RASA3: variants seen among roughly 807,000 people sequenced by gnomAD.
RASA3 encodes RAS p21 protein activator 3, also known as ras GTPase-activating protein 3.
RASA3 carries 73 observed loss-of-function variants against 110.0 expected under a neutral mutation model. The ratio of observed to expected loss-of-function variants is 0.66; its 90% confidence interval spans 0.55 to 0.81. The LOEUF (loss-of-function observed/expected upper bound fraction) is 0.81, where lower values mean the gene tolerates loss of function less well. RASA3 is among the 30% of genes least tolerant of loss of function. The pLI, the probability that RASA3 is intolerant of heterozygous loss-of-function variation, is 0.00. For synonymous variants in RASA3, 500 were observed against 451.4 expected (o/e 1.11, Z -1.37); for missense variants, 976 against 1,113.2 (o/e 0.88, Z 1.75).
At chr13:114,087,271 G>A (rs1291150165) in intron 1 of RASA3, among the ~76,000 whole-genome samples, 4 of 150,640 alleles carry the variant, frequency 2.7e-5, no homozygotes, top group East Asian at 2.0e-4. Flanking sequence ...TCGTCCTCGC[G>A]GGGAAATCAC....
At chr13:114,010,316 C>G (rs1456237767) in intron 16 of RASA3, among the ~76,000 whole-genome samples, 1 of 152,070 alleles carries the variant, frequency 6.6e-6, no homozygotes, top group African/African-American at 2.4e-5. Context: ...CAGCCCAGCC[C>G]TCTCCAGACG....
chr13:114,115,938 A>G lies in RASA3; in HGVS notation c.55+16497T>C, dbSNP rs2080269775. ...AACCCAAACGCTCTGTGAATGGGAC[A>G]TGTGCTCAGAGGCGTCTGCAGTTGA... On this transcript the variant is annotated intron_variant, in intron 1 of 23. Coordinates refer to ENST00000334062, the MANE Select transcript of RASA3 (RefSeq NM_007368.4). This position sits in a 1 kb window ranked among gnomAD's most constrained non-coding sequence, Gnocchi z 5.0. Among the ~76,000 whole-genome samples, 1 of 152,250 alleles carries G rather than the reference A, an allele frequency of 6.6e-6. No homozygotes were observed. The highest frequency in any genetic ancestry group is 2.4e-5 in the African/African-American group (1 of 41,462).
Position 114,058,068 on chromosome 13 carries a change from C to T in RASA3, c.174-5913G>A, listed in dbSNP as rs115410247. On this transcript the variant is annotated intron_variant, in intron 2 of 23. Coordinates refer to ENST00000334062, the MANE Select transcript of RASA3 (RefSeq NM_007368.4). ...CCTGTCCTATTCATTCATTTTAGCA[C>T]GGAGGCCAGAACCAGCCGAGTGAAG... is the stretch of plus-strand genomic sequence containing the variant. Among the ~76,000 whole-genome samples, 923 of 152,292 alleles carry T rather than the reference C, an allele frequency of 6.1e-3. 2 individuals carry two copies. The highest frequency in any genetic ancestry group is 0.018 in the African/African-American group (735 of 41,548).
Position 114,067,956 on chromosome 13 carries a change from T to C in RASA3, c.173+5764A>G, listed in dbSNP as rs563142139. Among the ~76,000 whole-genome samples, 8 of 152,380 alleles carry C rather than the reference T, an allele frequency of 5.3e-5. No individual in the cohort carries two copies. The South Asian group carries it at 1.4e-3, about 28-fold the overall frequency. On this transcript the variant is annotated intron_variant, in intron 2 of 23. Coordinates refer to ENST00000334062, the MANE Select transcript of RASA3 (RefSeq NM_007368.4). ...TCCACTTCTCAGAAATCACATCACA[T>C]TGACGTTTTTGTCTGCGTATCCAGA...
intron 1 of RASA3, among the ~76,000 whole-genome samples, chr13:114,105,806 G>T (rs2080126455): frequency 6.6e-6 from 1 of 152,180 alleles, no homozygotes; most frequent in South Asian, 2.1e-4. Flanking sequence ...ATTTTTAAGA[G>T]AACATGAGAA....
chr13:114,063,969 G>T (rs2079403960), intron 2 of RASA3, among the ~76,000 whole-genome samples: 2 of 152,046 alleles, frequency 1.3e-5, no homozygotes, highest in Admixed American at 6.6e-5. Context: ...AAATGCTCTG[G>T]GCCTGTTTTC....
At chr13:113,995,700 G>GGC (rs1566452773) in intron 21 of RASA3, among the ~76,000 whole-genome samples, 3 of 117,126 alleles carry the variant, frequency 2.6e-5, no homozygotes, top group Non-Finnish European at 3.6e-5. Flanking sequence ...CTGATGGGGG[G>GGC]CTGGCTGACG....
At chr13:114,077,747 C>G in intron 1 of RASA3, 5 of 930,310 alleles carry the variant, frequency 5.4e-6, no homozygotes, top group Non-Finnish European at 6.4e-6. Flanking sequence ...TGCCCAGTCC[C>G]CTGGCCCCAA....
At chr13:114,090,068 T>A (rs1473520566) in intron 1 of RASA3, among the ~76,000 whole-genome samples, 1 of 152,226 alleles carries the variant, frequency 6.6e-6, no homozygotes, top group Non-Finnish European at 1.5e-5. Flanking sequence ...TTTGGGCTGT[T>A]CCCAGCTTTC....
At chr13:114,043,271 C>T (rs113533743) in intron 3 of RASA3, among the ~76,000 whole-genome samples, 5 of 152,324 alleles carry the variant, frequency 3.3e-5, no homozygotes, top group African/African-American at 9.6e-5. Context: ...GGCACAAAGA[C>T]GCTTTCCAAG....
rs577969675 is a variant in RASA3, at chr13:114,094,838, C to T, written c.56-21001G>A. Among the ~76,000 whole-genome samples the T allele has an allele frequency of 3.9e-5, 6 of 152,336 alleles. 1 individual carries two copies. The highest frequency in any genetic ancestry group is 1.4e-4 in the African/African-American group (6 of 41,572). On this transcript the variant is annotated intron_variant, in intron 1 of 23. Transcript: ENST00000334062. ...GAGCTCACACGTTTAGATATGTGCA[C>T]AGCCACACAGTCAGTACCGAGACCG...
In RASA3 at chr13:114,044,736, A is replaced by G. The variant is rs183268980; in HGVS notation, c.278-3642T>C. On this transcript the variant is annotated intron_variant, in intron 3 of 23. Coordinates refer to ENST00000334062, the MANE Select transcript of RASA3 (RefSeq NM_007368.4). The stretch of plus-strand genomic sequence containing the variant: ...ACTTCTTAAAACTGAGTTGGGCAAT[A>G]TATTTCAGTGAAAAGGGATAAATCT... 4.0e-4 allele frequency among the ~76,000 whole-genome samples: 61 copies of G among 151,318 alleles called. No homozygotes were observed. The South Asian group carries it at 0.012, about 29-fold the overall frequency.
At chr13:114,059,604 G>A (rs1008083411) in intron 2 of RASA3, among the ~76,000 whole-genome samples, 6 of 152,256 alleles carry the variant, frequency 3.9e-5, no homozygotes, top group African/African-American at 7.2e-5. Flanking sequence ...CACAGAGGGC[G>A]CTCGGCTGGG....
In RASA3 at chr13:114,116,830, TGA is replaced by T. The variant is rs1193391603; in HGVS notation, c.55+15603_55+15604del. 2.3e-5 allele frequency among the ~76,000 whole-genome samples: 3 copies of T among 130,356 alleles called. No homozygotes were observed. The East Asian group carries it at 6.9e-4, about 30-fold the overall frequency. The allele number at this position is 130,356 out of a possible 152,430, so 85.5% of individuals were successfully genotyped here. On this transcript the variant is annotated intron_variant, in intron 1 of 23. Coordinates refer to ENST00000334062, the MANE Select transcript of RASA3 (RefSeq NM_007368.4). Reference sequence around the variant, plus strand: ...CATGTGTGTGAAGAGAGCACGTGTGTGAGGGGTGCATCAGTGTGGGTGTGCAC... The same window carrying T: ...CATGTGTGTGAAGAGAGCACGTGTGTGGGGTGCATCAGTGTGGGTGTGCAC...
chr13:114,060,798 G>C (rs952334009), intron 2 of RASA3, among the ~76,000 whole-genome samples: 10 of 152,248 alleles, frequency 6.6e-5, no homozygotes, highest in African/African-American at 1.9e-4. Flanking sequence ...GGCTTGAAAG[G>C]GAGGCAGAGG....
chr13:113,998,266 T>G (rs2053301654), intron 20 of RASA3, among the ~76,000 whole-genome samples: 1 of 152,134 alleles, frequency 6.6e-6, no homozygotes, highest in Non-Finnish European at 1.5e-5. Flanking sequence ...TCTCCCCCTC[T>G]TCCCAACCCT....
chr13:114,001,657 C>T (rs368513268), intron 18 of RASA3, among the ~76,000 whole-genome samples: 1 of 151,400 alleles, frequency 6.6e-6, no homozygotes, highest in African/African-American at 2.4e-5. Flanking sequence ...GGAGGACCTG[C>T]GGCCGTGGGC....
intron 6 of RASA3, 23 bp from the exon 7 acceptor site, chr13:114,027,484 T>G: frequency 6.3e-7 from 1 of 1,586,970 alleles, no homozygotes; most frequent in South Asian, 1.1e-5. Flanking sequence ...GAGAAAGGAT[T>G]GGGATTAAAA....
In RASA3 at chr13:114,100,517, T is replaced by C. The variant is rs548447077; in HGVS notation, c.56-26680A>G. On this transcript the variant is annotated intron_variant, in intron 1 of 23. Transcript: ENST00000334062. ...GCCAGGGACCCCCGTCTGGGCCCAG[T>C]CCCCCTGCGCTGCGCCCCACGGCTG... 4.6e-5 allele frequency among the ~76,000 whole-genome samples: 7 copies of C among 152,240 alleles called. No individual in the cohort carries two copies. In the East Asian group the frequency reaches 1.4e-3, roughly 29 times the overall value.
Sources: gnomAD v4.1 joint callset for allele counts (sites outside exome capture counted in the v4.1 genomes callset) on GRCh38, gnomAD v4.1.1 for gene constraint, Gnocchi (gnomAD v3.1) non-coding constraint, MANE v1.5 for transcripts, NCBI Gene and HGNC (gene_info 2026-07-23, HGNC 2026-07-21) for gene names.